The following SPAST variants were observed in gnomAD, a reference collection of about 807,000 sequenced individuals.
SPAST encodes spastic paraplegia 4 (autosomal dominant; spastin).
A neutral mutation model predicts 76.6 loss-of-function variants in SPAST; 30 were observed. That is an observed-to-expected ratio of 0.39 (90% CI 0.29 to 0.53). The LOEUF is 0.53. Among genes scored for constraint, SPAST ranks in the 20% least tolerant of loss-of-function variants. The probability of loss-of-function intolerance (pLI) is 0.68; values close to 1 mark genes in which losing one functional copy is unlikely to be tolerated. For missense variants in SPAST, 717 were observed against 770.5 expected (o/e 0.93, Z 0.82); for synonymous variants, 305 against 281.0 (o/e 1.09, Z -0.86).
rs375960746 is a variant in SPAST at position 32,147,278 on chromosome 2, T to C, written c.1728+20T>C. On this transcript the variant is annotated intron_variant, in intron 16 of 16. Coordinates refer to ENST00000315285, the MANE Select transcript of SPAST (RefSeq NM_014946.4). ...AGTGAGGTATAGTATTTTACAATGATATTTTCTTTGTCTTCTATATTGTAA... is the reference window on the plus strand; with the variant it reads ...AGTGAGGTATAGTATTTTACAATGACATTTTCTTTGTCTTCTATATTGTAA... 8 of 1,547,540 alleles carry C rather than the reference T, an allele frequency of 5.2e-6. No individual in the cohort carries two copies. The African/African-American group carries it at 6.8e-5, about 13-fold the overall frequency.
At chr2:32,083,420 G>T (rs1677317641) in intron 1 of SPAST, among the ~76,000 whole-genome samples, 1 of 151,714 alleles carries the variant, frequency 6.6e-6, no homozygotes, top group African/African-American at 2.4e-5. Flanking sequence ...CCAACTGGGT[G>T]CCATTTTGTT....
chr2:32,087,199 TAAATA>T (rs747173804), intron 1 of SPAST, among the ~76,000 whole-genome samples: 42 of 152,310 alleles, frequency 2.8e-4, no homozygotes, highest in Non-Finnish European at 5.1e-4. Flanking sequence ...TAAAAATTCC[TAAATA>T]AAATGTCTTT....
chr2:32,067,217 A>T (rs981433006), intron 1 of SPAST, among the ~76,000 whole-genome samples: 1 of 152,072 alleles, frequency 6.6e-6, no homozygotes, highest in Non-Finnish European at 1.5e-5. Flanking sequence ...GTATGCCACC[A>T]CGCCCAGCTA....
intron 8 of SPAST, 134 bp downstream of exon 8, chr2:32,127,156 T>G (rs1178734253): frequency 1.4e-6 from 1 of 724,566 alleles, no homozygotes; most frequent in Non-Finnish European, 2.5e-6. Context: ...TTTTTTTTGT[T>G]TGTTTGTTTT....
chr2:32,094,861 C>T lies in SPAST; in HGVS notation c.587-3935C>T, dbSNP rs192416468. On this transcript the variant is annotated intron_variant, in intron 3 of 16. Coordinates refer to ENST00000315285, the MANE Select transcript of SPAST (RefSeq NM_014946.4). The stretch of plus-strand genomic sequence containing the variant: ...GGCCATGCTTGTAATCCCAAATACT[C>T]GGGAGGCTGAGGCAGAAGAATCACT... Among the ~76,000 whole-genome samples, 314 of 152,284 alleles carry T rather than the reference C, an allele frequency of 2.1e-3. 1 individual carries two copies. The highest frequency in any genetic ancestry group is 3.6e-3 in the Non-Finnish European group (247 of 68,022).
intron 12 of SPAST, among the ~76,000 whole-genome samples, chr2:32,137,632 T>C (rs1679580944): frequency 6.6e-6 from 1 of 152,210 alleles, no homozygotes; most frequent in African/African-American, 2.4e-5. Flanking sequence ...TTTACAATAT[T>C]GCTCCATTGT....
At chr2:32,081,121 G>C (rs892333393) in intron 1 of SPAST, among the ~76,000 whole-genome samples, 1 of 152,168 alleles carries the variant, frequency 6.6e-6, no homozygotes, top group South Asian at 2.1e-4. Context: ...ACCACGCCTA[G>C]CTAATTTTTC....
At chr2:32,113,635 G>A (rs1262559376) in intron 4 of SPAST, among the ~76,000 whole-genome samples, 3 of 140,696 alleles carry the variant, frequency 2.1e-5, no homozygotes, top group Non-Finnish European at 3.0e-5. Context: ...GTGCAATCTC[G>A]GCTTACTGCA....
At chr2:32,140,509 A>C (rs1393629590) in intron 12 of SPAST, among the ~76,000 whole-genome samples, 1 of 152,048 alleles carries the variant, frequency 6.6e-6, no homozygotes, top group Admixed American at 6.6e-5. Context: ...CTGTAATCCC[A>C]GCTACTCAGG....
chr2:32,116,035 C>T, intron 6 of SPAST, 84 bp from the exon 7 acceptor site: 1 of 1,066,312 alleles, frequency 9.4e-7, no homozygotes, highest in Non-Finnish European at 1.4e-6. Context: ...TTAAAAATAA[C>T]TATATGTCAT....
chr2:32,093,841 C>T (rs1677822399), intron 3 of SPAST, among the ~76,000 whole-genome samples: 1 of 152,098 alleles, frequency 6.6e-6, no homozygotes, highest in Middle Eastern at 3.4e-3. Flanking sequence ...ATATAACAGC[C>T]AGATACGCCA....
At chr2:32,143,694 G>A (rs1186216952) in intron 14 of SPAST, among the ~76,000 whole-genome samples, 2 of 151,980 alleles carry the variant, frequency 1.3e-5, no homozygotes, top group Non-Finnish European at 2.9e-5. Context: ...TGGTATTAAA[G>A]TAATTTAAAC....
At chr2:32,126,905 G>A in intron 7 of SPAST, 43 bp from the exon 8 acceptor site, 1 of 1,363,544 alleles carries the variant, frequency 7.3e-7, no homozygotes, top group South Asian at 1.2e-5. Flanking sequence ...TACTTAAAAT[G>A]TCTCTAGAAT....
intron 4 of SPAST, among the ~76,000 whole-genome samples, chr2:32,101,281 A>G (rs542923126): frequency 1.3e-5 from 2 of 152,210 alleles, no homozygotes; most frequent in South Asian, 2.1e-4. Flanking sequence ...ATCTGTTCAT[A>G]TACTTTGCCC....
At chr2:32,113,475 G>A (rs1678692915) in intron 4 of SPAST, among the ~76,000 whole-genome samples, 1 of 150,958 alleles carries the variant, frequency 6.6e-6, no homozygotes, top group African/African-American at 2.4e-5. Flanking sequence ...GTAGTCGAGT[G>A]CTACTTTTTT....
chr2:32,069,753 G>A (rs554997354), intron 1 of SPAST, among the ~76,000 whole-genome samples: 6 of 151,754 alleles, frequency 4.0e-5, no homozygotes, highest in Non-Finnish European at 2.9e-5. Context: ...TAGAGACGGG[G>A]TTTCACCGTG....
intron 1 of SPAST, among the ~76,000 whole-genome samples, chr2:32,083,731 C>G (rs1456374019): frequency 2.8e-5 from 2 of 70,546 alleles, no homozygotes; most frequent in South Asian, 5.8e-4. Flanking sequence ...TTTATATATA[C>G]TATATATATT....
chr2:32,149,162 T>TCC (rs1679992233), intron 16 of SPAST, among the ~76,000 whole-genome samples: 1 of 151,654 alleles, frequency 6.6e-6, no homozygotes, highest in Admixed American at 6.6e-5. Context: ...CCATCTTGGC[T>TCC]CACTGCAGCC....
chr2:32,091,981 A>G (rs1677737229), intron 3 of SPAST, among the ~76,000 whole-genome samples: 1 of 152,168 alleles, frequency 6.6e-6, no homozygotes, highest in African/African-American at 2.4e-5. Flanking sequence ...AGGAACCTAA[A>G]CCATAGTAGT....
Sources: allele counts gnomAD v4.1 joint callset (sites outside exome capture counted in the v4.1 genomes callset), GRCh38; gene constraint gnomAD v4.1.1; transcripts MANE v1.5; gene names NCBI Gene and HGNC (gene_info 2026-07-23, HGNC 2026-07-21).